Variants in CCBE1 observed in about 807,000 individuals in gnomAD.
The protein encoded by CCBE1 is collagen and calcium-binding EGF domain-containing protein 1.
A neutral mutation model predicts 50.0 loss-of-function variants in CCBE1; 37 were observed. The observed-to-expected ratio is 0.74, with a 90% confidence interval of 0.57 to 0.97. The LOEUF (loss-of-function observed/expected upper bound fraction) is 0.97, where lower values mean the gene tolerates loss of function less well. CCBE1 is among the 50% of genes least tolerant of loss of function. CCBE1 has a pLI of 0.00. For synonymous variants in CCBE1, 234 were observed against 203.7 expected, an observed-to-expected ratio of 1.15 and a Z score of -1.27; for missense variants, 538 against 523.8, an observed-to-expected ratio of 1.03 and a Z score of -0.26.
At chr18:59,608,713 T>C (rs1305842872) in intron 2 of CCBE1, among the ~76,000 whole-genome samples, 1 of 152,218 alleles carries the variant, frequency 6.6e-6, no homozygotes, top group Non-Finnish European at 1.5e-5. Flanking sequence ...AACGTCTCTC[T>C]TGTTCATAAT....
chr18:59,485,080 G>A (rs1912751628), intron 2 of CCBE1, among the ~76,000 whole-genome samples: 1 of 151,982 alleles, frequency 6.6e-6, no homozygotes, highest in South Asian at 2.1e-4. Flanking sequence ...ATTCTGGGGA[G>A]ACAATCATTC....
chr18:59,622,250 A>C lies in CCBE1; in HGVS notation c.212+74379T>G, dbSNP rs1353969713. Among the ~76,000 whole-genome samples, 3 of 152,216 alleles carry C rather than the reference A, an allele frequency of 2.0e-5. No individual in the cohort carries two copies. In the East Asian group the frequency reaches 5.8e-4, roughly 29 times the overall value. On this transcript the variant is annotated intron_variant, in intron 2 of 10. Transcript: ENST00000439986. ...GATGGAACAATGAGCACCACCCTTT[A>C]GAATGATCTGTCCAAATGAGCAGCC...
rs567352062 is a variant in CCBE1, at chr18:59,625,745, G to T, written c.212+70884C>A. Among the ~76,000 whole-genome samples the T allele has an allele frequency of 9.2e-5, 14 of 152,188 alleles. No homozygotes were observed. In the South Asian group the frequency reaches 2.9e-3, roughly 32 times the overall value. ...ATTATCACACCTAGGTAACTGCTAT[G>T]GTCTGAATGTCCCCCAAAATTCATG... is the stretch of plus-strand genomic sequence containing the variant. On this transcript the variant is annotated intron_variant, in intron 2 of 10. Coordinates refer to ENST00000439986, the MANE Select transcript of CCBE1 (RefSeq NM_133459.4).
chr18:59,659,263 A>G (rs1301998450), intron 2 of CCBE1, among the ~76,000 whole-genome samples: 1 of 151,942 alleles, frequency 6.6e-6, no homozygotes, highest in Non-Finnish European at 1.5e-5. Context: ...CATATTCCAT[A>G]AACACTCTTA....
chr18:59,575,047 G>A lies in CCBE1; in HGVS notation c.213-94809C>T, dbSNP rs77131002. Reference sequence around the variant, plus strand: ...AACACCATGTGAGGATAAAGGCAGAGGATCGGGGCGATTCTCCTGCACACC... The same window carrying A: ...AACACCATGTGAGGATAAAGGCAGAAGATCGGGGCGATTCTCCTGCACACC... On this transcript the variant is annotated intron_variant, in intron 2 of 10. Coordinates refer to ENST00000439986, the MANE Select transcript of CCBE1 (RefSeq NM_133459.4). 5.3e-3 allele frequency among the ~76,000 whole-genome samples: 811 copies of A among 152,256 alleles called. 12 individuals are homozygous for A. Among genetic ancestry groups the A allele is most frequent in the African/African-American group, 0.019 (793 of 41,558 alleles).
intron 3 of CCBE1, among the ~76,000 whole-genome samples, chr18:59,472,760 G>A (rs1912094606): frequency 6.6e-6 from 1 of 152,202 alleles, no homozygotes. Flanking sequence ...TTCTCACGCT[G>A]CTAATAAAGA....
At chr18:59,589,250 C>T (rs1406006833) in intron 2 of CCBE1, among the ~76,000 whole-genome samples, 1 of 152,094 alleles carries the variant, frequency 6.6e-6, no homozygotes, top group Non-Finnish European at 1.5e-5. Flanking sequence ...GAGGATAGTT[C>T]ATCAATATGG....
At chr18:59,599,412 T>C (rs2053400451) in intron 2 of CCBE1, among the ~76,000 whole-genome samples, 1 of 152,192 alleles carries the variant, frequency 6.6e-6, no homozygotes, top group Non-Finnish European at 1.5e-5. Context: ...GTAATTACCA[T>C]ACCTGGATAA....
Position 59,454,851 on chromosome 18 carries a change from C to T in CCBE1, c.654G>A (p.Lys218=). ...TCGTTCCCACCCCAGCGGCACGTAC[C>T]TTTTGCTTCAGCTGCAGCACGGTCT... ...MKQTVLQLKQ[K]IALLPNNAAD... Residue 218 remains lysine, a splice_region_variant and synonymous_variant, in exon 6 of 11, where the codon AAG becomes AAA. Coordinates refer to ENST00000439986, the MANE Select transcript of CCBE1 (RefSeq NM_133459.4). 6.2e-7 allele frequency: 1 copy of T among 1,613,980 alleles called. No individual in the cohort carries two copies. The highest frequency in any genetic ancestry group is 8.5e-7 in the Non-Finnish European group (1 of 1,179,814).
intron 2 of CCBE1, among the ~76,000 whole-genome samples, chr18:59,571,503 G>A (rs1003824919): frequency 6.6e-6 from 1 of 150,504 alleles, no homozygotes; most frequent in Non-Finnish European, 1.5e-5. Context: ...GGGAGGGAGA[G>A]CATTAGGAGA....
intron 2 of CCBE1, among the ~76,000 whole-genome samples, chr18:59,559,043 G>A (rs111254420): frequency 9.9e-5 from 15 of 152,178 alleles, no homozygotes; most frequent in African/African-American, 3.6e-4. Context: ...ATGGGATGAG[G>A]TGAGTGGGTC....
chr18:59,558,572 C>T (rs1387222524), intron 2 of CCBE1, among the ~76,000 whole-genome samples: 1 of 152,186 alleles, frequency 6.6e-6, no homozygotes, highest in East Asian at 1.9e-4. Context: ...ACCACTATTG[C>T]CTGTAAAAGG....
intron 2 of CCBE1, among the ~76,000 whole-genome samples, chr18:59,694,834 T>C (rs1419366420): frequency 6.6e-6 from 1 of 152,244 alleles, no homozygotes; most frequent in Admixed American, 6.5e-5. Flanking sequence ...TCTTTTCATA[T>C]ACACAAGGAT....
chr18:59,654,664 C>T (rs953561942), intron 2 of CCBE1, among the ~76,000 whole-genome samples: 2 of 151,858 alleles, frequency 1.3e-5, no homozygotes, highest in Non-Finnish European at 1.5e-5. Flanking sequence ...TGGTCGCACG[C>T]ACCTGTAGTC....
chr18:59,507,587 G>A (rs560152934), intron 2 of CCBE1, among the ~76,000 whole-genome samples: 204 of 152,298 alleles, frequency 1.3e-3, no homozygotes, highest in African/African-American at 4.5e-3. Context: ...AGAAAGTGTT[G>A]ATGAGAATTG....
intron 9 of CCBE1, 49 bp downstream of exon 9, chr18:59,439,494 A>C: frequency 6.2e-7 from 1 of 1,611,218 alleles, no homozygotes; most frequent in Non-Finnish European, 8.5e-7. Flanking sequence ...AAACAAAAAA[A>C]TCGAAAGTGA....
At position 59,435,456 on chromosome 18, in the gene CCBE1, A is replaced by AT. The variant is rs1910108312; in HGVS notation, c.*451_*452insA. On this transcript the variant is annotated 3_prime_UTR_variant, in exon 11 of 11. Transcript: ENST00000439986. ...CACCCCTTTTTAACTGAAGAGCCCC[A>AT]ATTTTGATACTAGAGGAGTTATGGT... 5.6e-6 allele frequency: 1 copy of AT among 178,732 alleles called. No homozygotes were observed. Among genetic ancestry groups the AT allele is most frequent in the Non-Finnish European group, 1.2e-5 (1 of 83,430 alleles). The allele number at this position is 178,732 out of a possible 1,614,324, so 11.1% of individuals were successfully genotyped here. A position where few individuals can be genotyped will look rare whatever the true frequency, so the allele number is the denominator to read the frequency against.
At chr18:59,654,217 A>G (rs1248373507) in intron 2 of CCBE1, among the ~76,000 whole-genome samples, 2 of 152,188 alleles carry the variant, frequency 1.3e-5, no homozygotes, top group Admixed American at 6.5e-5. Context: ...AGCCTGGTAT[A>G]AAGTAATGTA....
At chr18:59,468,870 G>A (rs1911885969) in intron 4 of CCBE1, among the ~76,000 whole-genome samples, 1 of 145,422 alleles carries the variant, frequency 6.9e-6, no homozygotes, top group Admixed American at 6.8e-5. Context: ...GAGGACCCCA[G>A]ATGTTTCTTG....
Sources: gnomAD v4.1 joint callset for allele counts (sites outside exome capture counted in the v4.1 genomes callset) on GRCh38, gnomAD v4.1.1 for gene constraint, MANE v1.5 for transcripts, NCBI Gene and HGNC (gene_info 2026-07-23, HGNC 2026-07-21) for gene names.